WDR77: variants seen among roughly 807,000 people sequenced by gnomAD.
WDR77 encodes the protein methylosome protein WDR77.
A neutral mutation model predicts 44.0 loss-of-function variants in WDR77; 31 were observed. The ratio of observed to expected loss-of-function variants is 0.70; its 90% CI spans 0.53 to 0.95. The LOEUF is 0.95. Among genes scored for constraint, WDR77 ranks in the 40% least tolerant of loss-of-function variants. WDR77 has a pLI of 0.00. For synonymous variants in WDR77, 186 were observed against 165.7 expected, an observed-to-expected ratio of 1.12 and a Z score of -0.94; for missense variants, 390 against 423.9, an observed-to-expected ratio of 0.92 and a Z score of 0.70.
rs1427878447 is a variant in WDR77 at position 111,442,866 on chromosome 1, A to C, written c.692-105T>G. On this transcript the variant is annotated intron_variant, in intron 7 of 9. Transcript: ENST00000235090. The stretch of plus-strand genomic sequence containing the variant: ...CTTGTAAAAGTTAACCATTCTGAGC[A>C]TCAGTTTTCTCTTTTGCAAAGTAGG... 3 of 731,800 alleles carry C rather than the reference A, an allele frequency of 4.1e-6. No homozygotes were observed. In the African/African-American group the frequency reaches 5.4e-5, roughly 13 times the overall value. The allele number at this position is 731,800 out of a possible 1,614,324, so 45.3% of individuals were successfully genotyped here.
At chr1:111,446,115 G>C (rs1274331308) in intron 4 of WDR77, among the ~76,000 whole-genome samples, 1 of 152,202 alleles carries the variant, frequency 6.6e-6, no homozygotes, top group Non-Finnish European at 1.5e-5. Flanking sequence ...GTGACCCTGA[G>C]GGTCCAGGAT....
At position 111,442,545 on chromosome 1, in the gene WDR77, T is replaced by C. The variant is rs930651411; in HGVS notation, c.800+108A>G. 25 of 691,610 alleles carry C rather than the reference T, an allele frequency of 3.6e-5. No individual in the cohort carries two copies. The Admixed American group carries it at 3.9e-4, about 11-fold the overall frequency. The allele number at this position is 691,610 out of a possible 1,614,324, so 42.8% of individuals were successfully genotyped here. ...TGTTCCGAAACCTCAGCTAGAACAC[T>C]GTCTGCTTTAAGGAACTACTTCATC... is the stretch of plus-strand genomic sequence containing the variant. On this transcript the variant is annotated intron_variant, in intron 8 of 9. Coordinates refer to ENST00000235090, the MANE Select transcript of WDR77 (RefSeq NM_024102.4).
intron 9 of WDR77, chr1:111,441,660 G>A: frequency 8.7e-7 from 1 of 1,154,884 alleles, no homozygotes; most frequent in Non-Finnish European, 1.1e-6. Context: ...TCACGGCAAG[G>A]AGGGAAGTAC....
intron 4 of WDR77, among the ~76,000 whole-genome samples, chr1:111,445,234 T>C (rs1417143791): frequency 6.6e-6 from 1 of 152,192 alleles, no homozygotes; most frequent in South Asian, 2.1e-4. Flanking sequence ...GTGGAAACCT[T>C]TTCTACAGTC....
intron 6 of WDR77, 123 bp downstream of exon 6, chr1:111,443,744 A>G (rs1345242029): frequency 5.2e-6 from 8 of 1,527,844 alleles, no homozygotes; most frequent in Non-Finnish European, 6.2e-6. Context: ...GAAGGAGATT[A>G]TGTCACTCAT....
In WDR77 at chr1:111,441,179, G is replaced by T; in HGVS notation, c.*51C>A. On this transcript the variant is annotated 3_prime_UTR_variant, in exon 10 of 10. Transcript: ENST00000235090. ...GTTGTCTCACAAGCTGAGAGGGCAG[G>T]GCAAAGAAGTGGACACTCATGGGGG... 1 of 1,405,102 alleles carries T rather than the reference G, an allele frequency of 7.1e-7. No homozygotes were observed. The highest frequency in any genetic ancestry group is 1.8e-5 in the South Asian group (1 of 56,592). The allele number at this position is 1,405,102 out of a possible 1,614,324, so 87.0% of individuals were successfully genotyped here. A position where few individuals can be genotyped will look rare whatever the true frequency, so the allele number is the denominator to read the frequency against.
rs75410241 is a variant in WDR77 at position 111,449,147 on chromosome 1, G to T, written c.23C>A (p.Pro8His). 40 of 1,591,160 alleles carry T rather than the reference G, an allele frequency of 2.5e-5. No individual in the cohort carries two copies. The highest frequency in any genetic ancestry group is 1.0e-4 in the Admixed American group (6 of 58,568). ...CTCCCGGGCCGCCGGGGGCACTAGG[G>T]GGGGTGGGGTTTCCTTCCGCATCTC... MRKETPP[P>H]LVPPAAREWN... The change falls in exon 1 of 10, where the codon CCC becomes CAC. Residue 8 changes from proline (P) to histidine (H), a missense_variant. Transcript: ENST00000235090.
Position 111,447,377 on chromosome 1 carries a change from G to A in WDR77, c.443+58C>T, listed in dbSNP as rs1050812116. 9 of 1,607,998 alleles carry A rather than the reference G, an allele frequency of 5.6e-6. No individual in the cohort carries two copies. The African/African-American group carries it at 1.1e-4, about 19-fold the overall frequency. On this transcript the variant is annotated intron_variant, in intron 3 of 9. Transcript: ENST00000235090. ...AAATGTTACCTAATGAGGTTAACAG[G>A]ATAGGAAAGGCACCCACAGGAGGCT... is the stretch of plus-strand genomic sequence containing the variant.
At chr1:111,446,212 T>C (rs1219842198) in intron 4 of WDR77, among the ~76,000 whole-genome samples, 2 of 152,206 alleles carry the variant, frequency 1.3e-5, no homozygotes, top group East Asian at 1.9e-4. Flanking sequence ...GAAAGGCACT[T>C]AGCCATTGAG....
intron 9 of WDR77, 159 bp from the exon 10 acceptor site, chr1:111,441,548 A>G (rs1652816907): frequency 1.5e-6 from 2 of 1,307,176 alleles, no homozygotes; most frequent in African/African-American, 3.0e-5. Flanking sequence ...GTAGCTATCC[A>G]CAGTGGATGT....
intron 6 of WDR77, 167 bp downstream of exon 6, chr1:111,443,700 C>T (rs945203807): frequency 1.0e-6 from 1 of 985,314 alleles, no homozygotes; most frequent in Non-Finnish European, 1.2e-6. Context: ...GTATTCATTG[C>T]ACAGAATGGG....
At chr1:111,442,989 C>T (rs927748399) in intron 7 of WDR77, among the ~76,000 whole-genome samples, 2 of 152,172 alleles carry the variant, frequency 1.3e-5, no homozygotes, top group Non-Finnish European at 1.5e-5. Flanking sequence ...AGCCTCATGA[C>T]CACGATAGCG....
At position 111,447,755 on chromosome 1, in the gene WDR77, G is replaced by T. The variant is rs79930723; in HGVS notation, c.302-179C>A. Among the ~76,000 whole-genome samples the T allele has an allele frequency of 8.5e-3, 1,293 of 152,262 alleles. 16 individuals are homozygous for T. The highest frequency in any genetic ancestry group is 0.03 in the African/African-American group (1,240 of 41,536). Reference sequence around the variant, plus strand: ...TTCTGAGTCTTTGACTTTATTCTGCGTTACTGTTTTCCTAATGACAGCCCA... The same window carrying T: ...TTCTGAGTCTTTGACTTTATTCTGCTTTACTGTTTTCCTAATGACAGCCCA... On this transcript the variant is annotated intron_variant, in intron 2 of 9. Coordinates refer to ENST00000235090, the MANE Select transcript of WDR77 (RefSeq NM_024102.4).
intron 4 of WDR77, 69 bp downstream of exon 4, chr1:111,447,026 C>G: frequency 6.4e-7 from 1 of 1,557,018 alleles, no homozygotes; most frequent in Non-Finnish European, 8.8e-7. Flanking sequence ...CTCCTAACAT[C>G]AAAGCAAAGT....
chr1:111,444,921 A>T (rs1321826204), intron 4 of WDR77, among the ~76,000 whole-genome samples: 2 of 152,254 alleles, frequency 1.3e-5, no homozygotes, highest in Middle Eastern at 3.2e-3. Context: ...CTGACAGAAA[A>T]TTTAGTCTAT....
chr1:111,447,639 A>G, intron 2 of WDR77, 63 bp from the exon 3 acceptor site: 1 of 1,583,382 alleles, frequency 6.3e-7, no homozygotes, highest in Non-Finnish European at 8.7e-7. Context: ...ATTCACTTCT[A>G]GGATTCAAAG....
chr1:111,443,807 G>A (rs1652910751), intron 6 of WDR77, 60 bp downstream of exon 6: 8 of 1,611,922 alleles, frequency 5.0e-6, no homozygotes, highest in Non-Finnish European at 2.5e-6. Flanking sequence ...ACTGGCCAAA[G>A]ACAGTCTCTT....
intron 1 of WDR77, 40 bp downstream of exon 1, chr1:111,449,015 C>T: frequency 6.4e-7 from 1 of 1,551,048 alleles, no homozygotes; most frequent in Non-Finnish European, 8.7e-7. Flanking sequence ...GCGCCCTGGG[C>T]CGGGGTAAGG....
In WDR77 at chr1:111,443,872, T is replaced by C. The variant is rs756458748; in HGVS notation, c.614A>G (p.Gln205Arg). Reference protein sequence around the residue: ...WDTRCPKPASQIGCSAPGYLP... With the variant: ...WDTRCPKPASRIGCSAPGYLP... ...CCAATGAATCTCAGACTCACCAATCTGTGATGCTGGCTTGGGACAGCGGGT... is the reference window on the plus strand; with the variant it reads ...CCAATGAATCTCAGACTCACCAATCCGTGATGCTGGCTTGGGACAGCGGGT... The change falls in exon 6 of 10, where the codon CAG (glutamine) becomes CGG (arginine). Residue 205 changes from glutamine to arginine, a missense_variant. By Grantham distance (43) the Gln-to-Arg change is conservative (BLOSUM62 1). Coordinates refer to ENST00000235090, the MANE Select transcript of WDR77 (RefSeq NM_024102.4). 3 of 1,614,012 alleles carry C rather than the reference T, an allele frequency of 1.9e-6. No individual in the cohort carries two copies. The highest frequency in any genetic ancestry group is 1.7e-5 in the Admixed American group (1 of 59,994).
Sources: allele counts gnomAD v4.1 joint callset (sites outside exome capture counted in the v4.1 genomes callset), GRCh38; gene constraint gnomAD v4.1.1; transcripts MANE v1.5; gene names NCBI Gene and HGNC (gene_info 2026-07-23, HGNC 2026-07-21).